Variants in INO80 observed in about 807,000 individuals in gnomAD.
INO80 encodes INO80 complex ATPase subunit, also known as chromatin-remodeling ATPase INO80.
INO80 carries 20 observed loss-of-function variants against 203.4 expected under a neutral mutation model. The ratio of observed to expected loss-of-function variants is 0.10; its 90% confidence interval spans 0.07 to 0.14. The LOEUF is 0.14. Among genes scored for constraint, INO80 ranks in the 10% least tolerant of loss-of-function variants. INO80 has a pLI of 1.00. For synonymous variants in INO80, 726 were observed against 685.2 expected, an observed-to-expected ratio of 1.06 and a Z score of -0.93; for missense variants, 1,419 against 1,914.4, an observed-to-expected ratio of 0.74 and a Z score of 4.83.
intron 1 of INO80, among the ~76,000 whole-genome samples, chr15:41,105,292 C>G (rs1006172973): frequency 6.6e-6 from 1 of 152,060 alleles, no homozygotes; most frequent in Non-Finnish European, 1.5e-5. Flanking sequence ...TGGGGGGGCA[C>G]CTCCATTATA....
intron 27 of INO80, among the ~76,000 whole-genome samples, chr15:41,006,387 C>T (rs2044040747): frequency 6.6e-6 from 1 of 152,154 alleles, no homozygotes; most frequent in Non-Finnish European, 1.5e-5. Context: ...TCTGATTATG[C>T]TACAAAAAGT....
intron 7 of INO80, among the ~76,000 whole-genome samples, chr15:41,082,596 G>C (rs957368803): frequency 6.6e-6 from 1 of 152,046 alleles, no homozygotes. Flanking sequence ...AGCTACCCAG[G>C]AGGGAGCTAC....
intron 27 of INO80, among the ~76,000 whole-genome samples, chr15:41,007,181 TC>T (rs370532254): frequency 1.6e-4 from 18 of 114,560 alleles, no homozygotes; most frequent in South Asian, 1.2e-3. Flanking sequence ...TTTTTTTTTT[TC>T]TTTTTTTTTT....
intron 28 of INO80, chr15:40,999,372 G>GT (rs1447945697): frequency 5.9e-5 from 9 of 152,158 alleles, no homozygotes; most frequent in South Asian, 2.1e-4. Flanking sequence ...AACTGATGAC[G>GT]TATCAATGTC....
chr15:41,007,511 C>T (rs2044064309), intron 27 of INO80, among the ~76,000 whole-genome samples: 1 of 151,950 alleles, frequency 6.6e-6, no homozygotes, highest in Admixed American at 6.6e-5. Context: ...GAACTTCTAG[C>T]CTCATAAAAG....
At position 41,087,639 on chromosome 15, in the gene INO80, T is replaced by C. The variant is rs1251198455; in HGVS notation, c.581A>G (p.Tyr194Cys). 2 of 1,613,808 alleles carry C rather than the reference T, an allele frequency of 1.2e-6. No individual in the cohort carries two copies. The highest frequency in any genetic ancestry group is 1.7e-6 in the Non-Finnish European group (2 of 1,179,958). Reference sequence around the variant, plus strand: ...CCGTTGTTGCTCATAGAAAGGGTCATATGTGGAGAGCAGGCCTGCACTGTA... The same window carrying C: ...CCGTTGTTGCTCATAGAAAGGGTCACATGTGGAGAGCAGGCCTGCACTGTA... ...QYYSAGLLSTYDPFYEQQRHL... is the reference protein window; with the variant it reads ...QYYSAGLLSTCDPFYEQQRHL... Residue 194 changes from tyrosine (Y) to cysteine (C), a missense_variant, in exon 6 of 36, where the codon TAT (tyrosine) becomes TGT (cysteine). Coordinates refer to ENST00000648947, the MANE Select transcript of INO80 (RefSeq NM_017553.3).
At chr15:41,027,971 A>G (rs2044401614) in intron 24 of INO80, 1 of 296,710 alleles carries the variant, frequency 3.4e-6, no homozygotes, top group Middle Eastern at 1.0e-3. Context: ...TTATAATTCT[A>G]CCTTTTTCTG....
intron 28 of INO80, among the ~76,000 whole-genome samples, chr15:40,998,749 G>A (rs558074054): frequency 1.9e-4 from 29 of 152,100 alleles, no homozygotes; most frequent in African/African-American, 6.7e-4. Context: ...CACCTCCTTG[G>A]TTCAAGCAGT....
At chr15:41,089,794 C>A (rs1190369599) in intron 5 of INO80, among the ~76,000 whole-genome samples, 2 of 151,274 alleles carry the variant, frequency 1.3e-5, no homozygotes, top group Admixed American at 6.6e-5. Context: ...TAACGGCATT[C>A]AAATAGTTGT....
At chr15:41,091,742 C>T (rs992761264) in intron 5 of INO80, among the ~76,000 whole-genome samples, 1 of 150,780 alleles carries the variant, frequency 6.6e-6, no homozygotes, top group East Asian at 2.0e-4. Flanking sequence ...GCAACCTCCG[C>T]CTCTGGGTTC....
chr15:40,990,050 G>T (rs556049308), intron 29 of INO80, among the ~76,000 whole-genome samples: 2 of 151,866 alleles, frequency 1.3e-5, no homozygotes, highest in South Asian at 4.2e-4. Context: ...AATAATAATG[G>T]CTAAAATTTG....
intron 27 of INO80, among the ~76,000 whole-genome samples, chr15:41,011,198 TG>T (rs927040747): frequency 3.9e-5 from 6 of 152,362 alleles, no homozygotes; most frequent in African/African-American, 1.4e-4. Flanking sequence ...TTCTCCCTGA[TG>T]GTTGAAATTC....
In INO80 at chr15:41,016,230, A is replaced by C. The variant is rs2044207464; in HGVS notation, c.3275-15T>G. 6.2e-7 allele frequency: 1 copy of C among 1,611,150 alleles called. No individual in the cohort carries two copies. Among genetic ancestry groups the C allele is most frequent in the African/African-American group, 1.3e-5 (1 of 74,774 alleles). On this transcript the variant is annotated splice_polypyrimidine_tract_variant and intron_variant, in intron 26 of 35. Coordinates refer to ENST00000648947, the MANE Select transcript of INO80 (RefSeq NM_017553.3). Reference sequence around the variant, plus strand: ...GCTCTCCTTGCCTGGGGAGAAGAAAAGGGGGTGAGGGGGAACTGTATTTAA... The same window carrying C: ...GCTCTCCTTGCCTGGGGAGAAGAAACGGGGGTGAGGGGGAACTGTATTTAA...
chr15:41,074,740 T>C (rs1361403667), intron 9 of INO80, among the ~76,000 whole-genome samples, 175 bp from the exon 10 acceptor site: 1 of 152,322 alleles, frequency 6.6e-6, no homozygotes, highest in East Asian at 1.9e-4. Context: ...CTAAAAGCAA[T>C]GAATAAATTT....
chr15:40,988,056 G>GC, intron 29 of INO80, 82 bp from the exon 30 acceptor site: 1 of 1,196,424 alleles, frequency 8.4e-7, no homozygotes, highest in Non-Finnish European at 1.2e-6. Context: ...TTGTCTGTTT[G>GC]CGAGTTTGGC....
intron 13 of INO80, 73 bp downstream of exon 13, chr15:41,070,394 T>G: frequency 7.5e-7 from 1 of 1,334,494 alleles, no homozygotes; most frequent in Non-Finnish European, 1.1e-6. Context: ...ATAGTGCTTT[T>G]AAGTGGCTGA....
intron 1 of INO80, among the ~76,000 whole-genome samples, chr15:41,115,248 T>C (rs527569501): frequency 1.3e-5 from 2 of 152,316 alleles, no homozygotes; most frequent in South Asian, 2.1e-4. Flanking sequence ...TTAACTAGAA[T>C]AGTAAGTGGC....
intron 30 of INO80, 134 bp from the exon 31 acceptor site, chr15:40,987,327 TTTTCA>T: frequency 1.8e-6 from 1 of 567,168 alleles, no homozygotes; most frequent in South Asian, 2.4e-5. Context: ...CTTTTCTCCC[TTTTCA>T]TTTCAGTTCA....
chr15:40,981,294 T>G (rs560994161), intron 35 of INO80, among the ~76,000 whole-genome samples: 51 of 152,214 alleles, frequency 3.4e-4, no homozygotes, highest in Non-Finnish European at 1.8e-4. Context: ...CCTCACCCTT[T>G]CTGCCCTCTA....
Sources: gnomAD v4.1 joint callset for allele counts (sites outside exome capture counted in the v4.1 genomes callset) on GRCh38, gnomAD v4.1.1 for gene constraint, MANE v1.5 for transcripts, NCBI Gene and HGNC (gene_info 2026-07-23, HGNC 2026-07-21) for gene names.